SNX25: variants seen among roughly 807,000 people sequenced by gnomAD.
The protein encoded by SNX25 is sorting nexin-25.
SNX25 carries 62 observed loss-of-function variants against 113.7 expected under a neutral mutation model. That is an observed-to-expected ratio of 0.55 (90% CI 0.44 to 0.67). The LOEUF (loss-of-function observed/expected upper bound fraction) is 0.67, where lower values mean the gene tolerates loss of function less well. SNX25 is among the 30% of genes least tolerant of loss of function. The probability of loss-of-function intolerance (pLI) is 0.00; values close to 1 mark genes in which losing one functional copy is unlikely to be tolerated. For synonymous variants in SNX25, 421 were observed against 436.2 expected (o/e 0.97, Z 0.43); for missense variants, 1,014 against 1,161.0 (o/e 0.87, Z 1.84).
intron 11 of SNX25, among the ~76,000 whole-genome samples, chr4:185,340,766 CCATCA>C (rs2095255743): frequency 1.3e-5 from 2 of 152,162 alleles, no homozygotes; most frequent in Admixed American, 1.3e-4. Context: ...GGAGTGGAAA[CCATCA>C]CAAGGGTCTG....
In SNX25 at chr4:185,210,880, G is replaced by A. The variant is rs192105090; in HGVS notation, c.429+625G>A. 6.6e-6 allele frequency among the ~76,000 whole-genome samples: 1 copy of A among 152,160 alleles called. No individual in the cohort carries two copies. Among genetic ancestry groups the A allele is most frequent in the Non-Finnish European group, 1.5e-5 (1 of 68,026 alleles). ...CAACAAAAGGAAAGCCATCCTCAGC[G>A]CGCTGTGGGACACTAGGGCGGGGGT... On this transcript the variant is annotated intron_variant, in intron 1 of 18. Transcript: ENST00000652585. The surrounding 1 kb of genome is among the most constrained non-coding windows in gnomAD (Gnocchi z 4.4).
At chr4:185,324,386 T>G (rs2095141035) in intron 9 of SNX25, among the ~76,000 whole-genome samples, 1 of 152,218 alleles carries the variant, frequency 6.6e-6, no homozygotes, top group African/African-American at 2.4e-5. Flanking sequence ...AGAATAAACC[T>G]GAGAGGGGCT....
chr4:185,246,502 T>G (rs1323508884), intron 1 of SNX25, among the ~76,000 whole-genome samples: 2 of 152,236 alleles, frequency 1.3e-5, no homozygotes, highest in African/African-American at 4.8e-5. Context: ...TGCATTTTTT[T>G]GTCATACATT....
chr4:185,366,650 T>C (rs1222755886), downstream of SNX25: 1 of 152,246 alleles, frequency 6.6e-6, no homozygotes, highest in Non-Finnish European at 1.5e-5. Flanking sequence ...ATTCTTTAAA[T>C]GTCTTTTACC....
At chr4:185,283,358 A>G (rs994319799) in intron 5 of SNX25, among the ~76,000 whole-genome samples, 3 of 152,266 alleles carry the variant, frequency 2.0e-5, no homozygotes, top group Non-Finnish European at 4.4e-5. Context: ...AAGAGTTAAC[A>G]GGATTTCAGC....
chr4:185,317,514 A>G (rs780024456), intron 7 of SNX25, among the ~76,000 whole-genome samples: 2 of 152,214 alleles, frequency 1.3e-5, no homozygotes, highest in Non-Finnish European at 2.9e-5. Context: ...GTAAAGACAC[A>G]TGCACTTGTA....
rs757924095 is a variant in SNX25, at chr4:185,342,077, G to T, written c.2148G>T (p.Arg716Ser). The change falls in exon 12 of 19, where the codon AGG (arginine) becomes AGT (serine). Residue 716 changes from arginine (R) to serine (S), a missense_variant. Physicochemically the swap from Arg to Ser is moderately radical, Grantham distance 110 (BLOSUM62 -1). Coordinates refer to ENST00000652585, the MANE Select transcript of SNX25 (RefSeq NM_001378034.2). ...VETKNWTVPR[R>S]LSEFQNLHRK... ...CTAAGAACTGGACGGTCCCCAGAAG[G>T]CTCAGCGAGTTTCAGAATTTACACC... 1 of 1,606,744 alleles carries T rather than the reference G, an allele frequency of 6.2e-7. No homozygotes were observed. Among genetic ancestry groups the T allele is most frequent in the African/African-American group, 1.3e-5 (1 of 74,592 alleles).
At chr4:185,283,255 C>T (rs1579612222) in intron 5 of SNX25, among the ~76,000 whole-genome samples, 1 of 152,000 alleles carries the variant, frequency 6.6e-6, no homozygotes, top group Non-Finnish European at 1.5e-5. Flanking sequence ...GTGTAAAGCA[C>T]CAAGGAAGTG....
At chr4:185,377,035 A>T in the SNX25 span, 7 of 1,515,610 alleles carry the variant, frequency 4.6e-6, no homozygotes, top group Non-Finnish European at 6.4e-6. Context: ...TTAAAAAGGT[A>T]AGGAATTCCA....
At chr4:185,308,698 T>C (rs909398542) in intron 6 of SNX25, among the ~76,000 whole-genome samples, 6 of 152,198 alleles carry the variant, frequency 3.9e-5, no homozygotes, top group African/African-American at 1.4e-4. Context: ...GATAAACACC[T>C]ACTTTTATGA....
chr4:185,239,387 G>A lies in SNX25; in HGVS notation c.430-7907G>A, dbSNP rs1743240766. 2.0e-5 allele frequency among the ~76,000 whole-genome samples: 3 copies of A among 152,284 alleles called. No homozygotes were observed. The South Asian group carries it at 6.2e-4, about 32-fold the overall frequency. On this transcript the variant is annotated intron_variant, in intron 1 of 18. Coordinates refer to ENST00000652585, the MANE Select transcript of SNX25 (RefSeq NM_001378034.2). ...AGTCCCAGCTACTCGGGAGGCTGAGGCAGGAGAATGGCTTGAACCCAGGAC... is the reference window on the plus strand; with the variant it reads ...AGTCCCAGCTACTCGGGAGGCTGAGACAGGAGAATGGCTTGAACCCAGGAC...
At chr4:185,366,244 T>C, downstream of SNX25, 1 of 152,258 alleles carries the variant, frequency 6.6e-6, no homozygotes, top group East Asian at 1.9e-4. Context: ...GAAAGCCTTT[T>C]GCTAATTTTA....
intron 9 of SNX25, among the ~76,000 whole-genome samples, chr4:185,328,949 C>T (rs757202460): frequency 7.9e-5 from 12 of 151,902 alleles, no homozygotes; most frequent in Non-Finnish European, 1.5e-4. Flanking sequence ...AATGAGAATA[C>T]GGAGGGGGTT....
In SNX25 at chr4:185,260,420, A is replaced by G. The variant is rs569474494; in HGVS notation, c.731+1356A>G. On this transcript the variant is annotated intron_variant, in intron 3 of 18. Coordinates refer to ENST00000652585, the MANE Select transcript of SNX25 (RefSeq NM_001378034.2). ...GAGTGAACTGTGCACAGGTCTTCCC[A>G]ACCATTAGTTCAGTTATACCAGATT... Among the ~76,000 whole-genome samples, 39 of 152,288 alleles carry G rather than the reference A, an allele frequency of 2.6e-4. 1 individual carries two copies. The highest frequency in any genetic ancestry group is 8.2e-4 in the African/African-American group (34 of 41,564).
At chr4:185,249,589 G>A (rs1745356464) in intron 2 of SNX25, among the ~76,000 whole-genome samples, 2 of 152,084 alleles carry the variant, frequency 1.3e-5, no homozygotes, top group African/African-American at 4.8e-5. Flanking sequence ...TTGAGTGGAT[G>A]TTTTCAAGTT....
chr4:185,222,599 G>A (rs1740170751), intron 1 of SNX25, among the ~76,000 whole-genome samples: 1 of 152,218 alleles, frequency 6.6e-6, no homozygotes, highest in Non-Finnish European at 1.5e-5. Context: ...AGTTGTCACA[G>A]TTGTAATTTT....
In SNX25 at chr4:185,212,491, G is replaced by GTTTTTGTTTTTT. The variant is rs59085661; in HGVS notation, c.429+2241_429+2242insGTTTTTTTTTTT. Among the ~76,000 whole-genome samples, 162 of 104,924 alleles carry GTTTTTGTTTTTT rather than the reference G, an allele frequency of 1.5e-3. 14 individuals carry two copies. Among genetic ancestry groups the GTTTTTGTTTTTT allele is most frequent in the Middle Eastern group, 0.011 (2 of 186 alleles). The allele number at this position is 104,924 out of a possible 152,430, so 68.8% of individuals were successfully genotyped here. Reference sequence around the variant, plus strand: ...TGTGTGTGTGTGTGTGTGTGTGTGTGTTTTTTTTTTTTTTTGCTTTGAGAC... The same window carrying GTTTTTGTTTTTT: ...TGTGTGTGTGTGTGTGTGTGTGTGTGTTTTTGTTTTTTTTTTTTTTTTTTTTTGCTTTGAGAC... On this transcript the variant is annotated intron_variant, in intron 1 of 18. Transcript: ENST00000652585.
At chr4:185,267,374 G>T (rs1748265529) in intron 5 of SNX25, among the ~76,000 whole-genome samples, 1 of 151,922 alleles carries the variant, frequency 6.6e-6, no homozygotes, top group South Asian at 2.1e-4. Context: ...CAGTTGACTC[G>T]AACAATTTGG....
At chr4:185,304,102 G>A (rs1176476515) in intron 6 of SNX25, among the ~76,000 whole-genome samples, 1 of 152,162 alleles carries the variant, frequency 6.6e-6, no homozygotes, top group African/African-American at 2.4e-5. Context: ...ATATATACCT[G>A]TTTCTTGAAC....
Sources: gnomAD v4.1 joint callset for allele counts (sites outside exome capture counted in the v4.1 genomes callset) on GRCh38, gnomAD v4.1.1 for gene constraint, Gnocchi (gnomAD v3.1) non-coding constraint, MANE v1.5 for transcripts, NCBI Gene and HGNC (gene_info 2026-07-23, HGNC 2026-07-21) for gene names.